The following ALK variants were observed in gnomAD, a reference collection of about 807,000 sequenced individuals.
ALK encodes ALK tyrosine kinase receptor.
ALK carries 74 observed loss-of-function variants against 163.1 expected under a neutral mutation model. The ratio of observed to expected loss-of-function variants is 0.45; its 90% CI spans 0.38 to 0.55. The LOEUF is 0.55. Ranked by LOEUF, ALK falls within the 20% of genes least tolerant of loss-of-function variation. The pLI is 0.00. For synonymous variants in ALK, 960 were observed against 843.2 expected (o/e 1.14, Z -2.40); for missense variants, 2,063 against 2,105.3 (o/e 0.98, Z 0.39).
At chr2:29,320,436 T>C (rs566988670) in intron 7 of ALK, among the ~76,000 whole-genome samples, 192 of 152,310 alleles carry the variant, frequency 1.3e-3, no homozygotes, top group Admixed American at 2.2e-3. Context: ...ATGAATTATG[T>C]GCCTGACACA....
intron 4 of ALK, among the ~76,000 whole-genome samples, chr2:29,436,672 A>G (rs999310481): frequency 1.3e-5 from 2 of 152,172 alleles, no homozygotes; most frequent in Non-Finnish European, 2.9e-5. Flanking sequence ...ACTCTCTCTT[A>G]GCCCATCAAG....
intron 1 of ALK, among the ~76,000 whole-genome samples, chr2:29,775,538 A>AAT (rs1681150388): frequency 8.5e-6 from 1 of 117,662 alleles, no homozygotes; most frequent in East Asian, 2.7e-4. Flanking sequence ...CTCCCCCTAC[A>AAT]AAAAAAAAAA....
intron 3 of ALK, among the ~76,000 whole-genome samples, chr2:29,664,689 C>T (rs1186081238): frequency 6.6e-6 from 1 of 152,106 alleles, no homozygotes. Flanking sequence ...ATGCTGCAAC[C>T]CAGCTCCACC....
At chr2:29,740,703 A>C (rs1245951660) in intron 1 of ALK, among the ~76,000 whole-genome samples, 1 of 152,158 alleles carries the variant, frequency 6.6e-6, no homozygotes, top group African/African-American at 2.4e-5. Flanking sequence ...TCAGCGCTCA[A>C]AAGAAATGTG....
chr2:29,259,905 C>T (rs932578573), intron 11 of ALK, among the ~76,000 whole-genome samples: 2 of 151,546 alleles, frequency 1.3e-5, no homozygotes, highest in African/African-American at 4.9e-5. Context: ...AGTAAAGTTG[C>T]CGGACTTTAA....
intron 6 of ALK, among the ~76,000 whole-genome samples, chr2:29,325,238 A>G (rs1295412017): frequency 1.3e-5 from 2 of 152,188 alleles, no homozygotes; most frequent in Non-Finnish European, 2.9e-5. Context: ...CAGTGTGAAC[A>G]CCTGCTCAGA....
At chr2:29,577,785 G>A (rs1299345523) in intron 3 of ALK, among the ~76,000 whole-genome samples, 4 of 152,218 alleles carry the variant, frequency 2.6e-5, no homozygotes, top group Non-Finnish European at 5.9e-5. Context: ...GTTCTCACAT[G>A]AGCTGACAGT....
At chr2:29,431,304 T>C (rs879603863) in intron 4 of ALK, among the ~76,000 whole-genome samples, 5 of 152,134 alleles carry the variant, frequency 3.3e-5, no homozygotes, top group African/African-American at 4.8e-5. Flanking sequence ...TAATGTGTAT[T>C]TAAGGCTGTG....
intron 3 of ALK, among the ~76,000 whole-genome samples, chr2:29,675,793 C>G (rs895890362): frequency 6.6e-6 from 1 of 151,954 alleles, no homozygotes; most frequent in Admixed American, 6.6e-5. Flanking sequence ...AAACATTGTG[C>G]CAATGTTTGC....
intron 26 of ALK, among the ~76,000 whole-genome samples, chr2:29,203,512 T>TTTTTG (rs869138004): frequency 7.8e-6 from 1 of 127,628 alleles, no homozygotes; most frequent in Non-Finnish European, 1.7e-5. Flanking sequence ...TTTTTTTTTT[T>TTTTTG]GTGAGACAGA....
At chr2:29,399,640 A>G (rs1451637558) in intron 4 of ALK, among the ~76,000 whole-genome samples, 2 of 152,154 alleles carry the variant, frequency 1.3e-5, no homozygotes, top group Non-Finnish European at 2.9e-5. Context: ...GCCTCAGAGC[A>G]TGGGGCTTGG....
In ALK at chr2:29,900,590, G is replaced by A. The variant is rs777528916; in HGVS notation, c.667+19403C>T. The stretch of plus-strand genomic sequence containing the variant: ...CCACTGTGGTGCCTTGCACAGAGTG[G>A]GTACTTCACTCAATGTCTATCCGCA... On this transcript the variant is annotated intron_variant, in intron 1 of 28. Coordinates refer to ENST00000389048, the MANE Select transcript of ALK (RefSeq NM_004304.5). 2.0e-5 allele frequency among the ~76,000 whole-genome samples: 3 copies of A among 152,152 alleles called. No individual in the cohort carries two copies. In the South Asian group the frequency reaches 6.2e-4, roughly 32 times the overall value.
intron 7 of ALK, chr2:29,319,174 C>T (rs899908528): frequency 3.9e-5 from 6 of 152,274 alleles, no homozygotes; most frequent in South Asian, 4.1e-4. Flanking sequence ...CCCATCCACA[C>T]GTGGTGGTGG....
chr2:29,572,037 C>T (rs998592779), intron 3 of ALK, among the ~76,000 whole-genome samples: 2 of 152,126 alleles, frequency 1.3e-5, no homozygotes, highest in African/African-American at 4.8e-5. Context: ...AGACCAAGAA[C>T]CAATGTTAGG....
chr2:29,557,948 G>A (rs1245311671), intron 3 of ALK, among the ~76,000 whole-genome samples: 1 of 152,142 alleles, frequency 6.6e-6, no homozygotes, highest in Admixed American at 6.6e-5. Context: ...TAGACTGAGA[G>A]CCCTTAAATC....
At chr2:29,338,526 A>G (rs1261574421) in intron 5 of ALK, among the ~76,000 whole-genome samples, 1 of 152,154 alleles carries the variant, frequency 6.6e-6, no homozygotes, top group Non-Finnish European at 1.5e-5. Flanking sequence ...AATTCCTGCT[A>G]ATTTGGATGC....
Position 29,717,544 on chromosome 2 carries a change from G to A in ALK, c.787+34C>T, listed in dbSNP as rs201887630. On this transcript the variant is annotated intron_variant, in intron 2 of 28. Transcript: ENST00000389048. ...GAGTCCTTATTATGAGATAGTGACA[G>A]TGTATCTCAAGTAAATATTAAACAT... is the stretch of plus-strand genomic sequence containing the variant. The A allele has an allele frequency of 4.7e-5, 75 of 1,611,286 alleles. No individual in the cohort carries two copies. The African/African-American group carries it at 9.6e-4, about 21-fold the overall frequency.
At chr2:29,606,573 T>C (rs1276054361) in intron 3 of ALK, among the ~76,000 whole-genome samples, 12 of 152,206 alleles carry the variant, frequency 7.9e-5, no homozygotes, top group Non-Finnish European at 2.9e-5. Context: ...GATGAGCTCA[T>C]CTCTTCAGGC....
chr2:29,719,064 T>G (rs1173469748), intron 1 of ALK, among the ~76,000 whole-genome samples: 1 of 152,156 alleles, frequency 6.6e-6, no homozygotes, highest in Non-Finnish European at 1.5e-5. Context: ...CCCATGGCAG[T>G]CTCTTGTTTC....
Sources: gnomAD v4.1 joint callset for allele counts (sites outside exome capture counted in the v4.1 genomes callset) on GRCh38, gnomAD v4.1.1 for gene constraint, MANE v1.5 for transcripts, NCBI Gene and HGNC (gene_info 2026-07-23, HGNC 2026-07-21) for gene names.